LAMC3: variants seen among roughly 807,000 people sequenced by gnomAD.
LAMC3 encodes the protein laminin subunit gamma-3.
A neutral mutation model predicts 173.8 loss-of-function variants in LAMC3; 128 were observed. The observed-to-expected ratio is 0.74, with a 90% CI of 0.64 to 0.85. LAMC3 has a LOEUF of 0.85. Among genes scored for constraint, LAMC3 ranks in the 40% least tolerant of loss-of-function variants. The probability of loss-of-function intolerance (pLI) is 0.00; values close to 1 mark genes in which losing one functional copy is unlikely to be tolerated. For synonymous variants in LAMC3, 897 were observed against 909.1 expected, an observed-to-expected ratio of 0.99 and a Z score of 0.24; for missense variants, 2,022 against 2,156.0, an observed-to-expected ratio of 0.94 and a Z score of 1.23.
intron 12 of LAMC3, among the ~76,000 whole-genome samples, chr9:131,057,505 G>A (rs1402715170): frequency 5.3e-5 from 8 of 152,282 alleles, no homozygotes; most frequent in African/African-American, 1.4e-4. Context: ...CATGCAGAGG[G>A]TGCTGTGAGG....
intron 1 of LAMC3, among the ~76,000 whole-genome samples, chr9:131,013,197 TAAATGGTGGCC>T (rs772338779): frequency 4.6e-5 from 7 of 152,136 alleles, no homozygotes; most frequent in Admixed American, 1.3e-4. Flanking sequence ...CACAACTCAA[TAAATGGTGGCC>T]CCCGGGACCC....
chr9:131,061,330 G>T, intron 13 of LAMC3, 107 bp downstream of exon 13: 1 of 937,714 alleles, frequency 1.1e-6, no homozygotes, highest in Non-Finnish European at 1.6e-6. Context: ...GGTGTGGCAG[G>T]TGAGGGAGAG....
In LAMC3 at chr9:131,036,150, CTG is replaced by C. The variant is rs773932845; in HGVS notation, c.810-12_810-11del. The C allele has an allele frequency of 1.2e-5, 19 of 1,612,992 alleles. No homozygotes were observed. The East Asian group carries it at 4.0e-4, about 34-fold the overall frequency. On this transcript the variant is annotated splice_polypyrimidine_tract_variant and intron_variant, in intron 3 of 27. Transcript: ENST00000361069. ...GGCACCTGCGGGTCCCCTTCCTCCT[CTG>C]TGTCTTTTCCCAGGTGCAAGTGCAA...
chr9:131,045,300 T>C (rs546281015), intron 7 of LAMC3, among the ~76,000 whole-genome samples: 39 of 151,004 alleles, frequency 2.6e-4, no homozygotes, highest in African/African-American at 3.2e-4. Flanking sequence ...TTTTGACAAA[T>C]GTACTGTGGT....
At chr9:131,052,356 G>T in intron 9 of LAMC3, 135 bp from the exon 10 acceptor site, 1 of 814,676 alleles carries the variant, frequency 1.2e-6, no homozygotes, top group South Asian at 1.5e-5. Flanking sequence ...GGTCTGCTGT[G>T]CAGGAAGCTT....
At chr9:131,048,257 A>G (rs951479853) in intron 8 of LAMC3, among the ~76,000 whole-genome samples, 1 of 151,890 alleles carries the variant, frequency 6.6e-6, no homozygotes, top group East Asian at 1.9e-4. Context: ...GGGTTTCGCC[A>G]TGTTGGCCAG....
chr9:131,015,005 G>T lies in LAMC3; in HGVS notation c.373+5418G>T, dbSNP rs577672809. On this transcript the variant is annotated intron_variant, in intron 1 of 27. Transcript: ENST00000361069. The stretch of plus-strand genomic sequence containing the variant: ...AAAAGAAAAATGTAGTTGAACAAAT[G>T]CTTCGTGCCTGGGACTGTTCCAAGT... Among the ~76,000 whole-genome samples, 3 of 152,124 alleles carry T rather than the reference G, an allele frequency of 2.0e-5. No homozygotes were observed. The South Asian group carries it at 6.2e-4, about 31-fold the overall frequency.
intron 27 of LAMC3, among the ~76,000 whole-genome samples, chr9:131,091,255 C>A (rs117527501): frequency 6.6e-6 from 1 of 152,234 alleles, no homozygotes; most frequent in Non-Finnish European, 1.5e-5. Flanking sequence ...AGAGGACTCA[C>A]CTGAGGCCTT....
At chr9:131,078,596 A>G (rs73658919) in intron 22 of LAMC3, among the ~76,000 whole-genome samples, 21,324 of 152,246 alleles carry the variant, frequency 0.14, 1,641 homozygotes, top group South Asian at 0.2. Flanking sequence ...TGCTCCTCCC[A>G]CTGCGTGCGG....
chr9:131,024,660 A>T (rs575103987), intron 1 of LAMC3, among the ~76,000 whole-genome samples: 1 of 152,278 alleles, frequency 6.6e-6, no homozygotes, highest in African/African-American at 2.4e-5. Flanking sequence ...AACGGTAGAG[A>T]TGCAGGAGGG....
At position 131,087,827 on chromosome 9, in the gene LAMC3, C is replaced by T. The variant is rs1229274947; in HGVS notation, c.4477+10C>T. 1.9e-6 allele frequency: 3 copies of T among 1,611,732 alleles called. No homozygotes were observed. The Admixed American group carries it at 5.0e-5, about 27-fold the overall frequency. On this transcript the variant is annotated intron_variant, in intron 27 of 27. Coordinates refer to ENST00000361069, the MANE Select transcript of LAMC3 (RefSeq NM_006059.4). ...CTGCTTGCCAGGCTGGGTAAGGAGG[C>T]CCTAAGGCTGGGCCCTGAACCCCTG...
chr9:131,071,563 T>C lies in LAMC3; in HGVS notation c.3149T>C (p.Leu1050Pro). ...GSDCGSPWGP[L>P]DILLGEAPRG... ...GACTGTGGCAGTCCCTGGGGACCAC[T>C]AGACATTCTGCTGGGAGAGGCCCCA... Residue 1050 changes from leucine (L) to proline (P), a missense_variant, in exon 18 of 28, where the codon CTA becomes CCA. Leu to Pro is a moderately conservative substitution (Grantham distance 98). Transcript: ENST00000361069. 6.2e-7 allele frequency: 1 copy of C among 1,612,386 alleles called. No homozygotes were observed. Among genetic ancestry groups the C allele is most frequent in the East Asian group, 2.2e-5 (1 of 44,846 alleles).
intron 3 of LAMC3, among the ~76,000 whole-genome samples, chr9:131,033,341 T>C (rs1833881629): frequency 6.6e-6 from 1 of 152,172 alleles, no homozygotes; most frequent in Non-Finnish European, 1.5e-5. Flanking sequence ...TTGATCAGAT[T>C]GCTCCCCAGT....
intron 27 of LAMC3, among the ~76,000 whole-genome samples, chr9:131,088,468 A>G (rs1484723430): frequency 6.6e-6 from 1 of 152,014 alleles, no homozygotes. Flanking sequence ...AGGGAATAGC[A>G]CCTCCCAAGG....
chr9:131,024,158 T>C (rs1833679596), intron 1 of LAMC3, among the ~76,000 whole-genome samples: 5 of 151,398 alleles, frequency 3.3e-5, no homozygotes. Flanking sequence ...AGCTTTTTTT[T>C]TTTTTTTTAG....
intron 20 of LAMC3, among the ~76,000 whole-genome samples, chr9:131,074,937 A>G (rs182096153): frequency 6.9e-4 from 105 of 151,878 alleles, no homozygotes; most frequent in Non-Finnish European, 1.0e-3. Context: ...TGTACAATTT[A>G]TTGTCCAAAC....
In LAMC3 at chr9:131,061,185, G is replaced by T; in HGVS notation, c.2309G>T (p.Arg770Leu). The change falls in exon 13 of 28, where the codon CGG (arginine) becomes CTG (leucine). Residue 770 changes from arginine (R) to leucine (L), a missense_variant. Transcript: ENST00000361069. ...QSACTTIPES[R>L]EVVCTHCPPG... ...GCCTGTACGACCATCCCAGAGAGCC[G>T]GGAGGTGGTGTGTACCCACTGCCCC... The T allele has an allele frequency of 6.2e-7, 1 of 1,610,258 alleles. No individual in the cohort carries two copies.
chr9:131,042,917 C>T (rs1397355741), intron 7 of LAMC3, among the ~76,000 whole-genome samples: 1 of 150,752 alleles, frequency 6.6e-6, no homozygotes, highest in African/African-American at 2.4e-5. Flanking sequence ...AATGGAGCAC[C>T]ATCAACTCTC....
chr9:131,035,456 C>T (rs556544358), intron 3 of LAMC3, among the ~76,000 whole-genome samples: 6 of 152,206 alleles, frequency 3.9e-5, no homozygotes, highest in East Asian at 3.9e-4. Context: ...GGGTGCCACA[C>T]GCTTCTAAAC....
Sources: gnomAD v4.1 joint callset for allele counts (sites outside exome capture counted in the v4.1 genomes callset) on GRCh38, gnomAD v4.1.1 for gene constraint, MANE v1.5 for transcripts, NCBI Gene and HGNC (gene_info 2026-07-23, HGNC 2026-07-21) for gene names.